Variants in DTNBP1 observed in about 807,000 individuals in gnomAD.
DTNBP1 encodes the protein dysbindin.
Under a neutral mutation model 42.8 loss-of-function variants are expected in DTNBP1, and 35 were observed. The ratio of observed to expected loss-of-function variants is 0.82; its 90% CI spans 0.63 to 1.09. The LOEUF (loss-of-function observed/expected upper bound fraction) is 1.09. DTNBP1 is among the 50% of genes least tolerant of loss of function. The pLI is 0.00. For missense variants in DTNBP1, 457 were observed against 424.2 expected, an observed-to-expected ratio of 1.08 and a Z score of -0.68; for synonymous variants, 171 against 162.2, an observed-to-expected ratio of 1.05 and a Z score of -0.41.
At chr6:15,627,066 C>T (rs1759387535) in intron 5 of DTNBP1, among the ~76,000 whole-genome samples, 1 of 152,130 alleles carries the variant, frequency 6.6e-6, no homozygotes, top group Non-Finnish European at 1.5e-5. Context: ...TAAACAGAGA[C>T]CAAATGTCAA....
rs1164636890 is a variant in DTNBP1 at position 15,659,551 on chromosome 6, C to CTTT, written c.56+3260_56+3262dup. Among the ~76,000 whole-genome samples the CTTT allele has an allele frequency of 4.8e-5, 5 of 104,682 alleles. 1 individual carries two copies. Among genetic ancestry groups the CTTT allele is most frequent in the African/African-American group, 7.9e-5 (2 of 25,382 alleles). The allele number at this position is 104,682 out of a possible 152,430, so 68.7% of individuals were successfully genotyped here. On this transcript the variant is annotated intron_variant, in intron 1 of 9. Coordinates refer to ENST00000344537, the MANE Select transcript of DTNBP1 (RefSeq NM_032122.5). ...CTTTCTTTTTTAAGAGATGGGGTTT[C>CTTT]TTTCTTTTTTTTTTTTTTTGAGACG...
chr6:15,575,526 G>C (rs1362290848), intron 7 of DTNBP1, among the ~76,000 whole-genome samples: 1 of 152,208 alleles, frequency 6.6e-6, no homozygotes, highest in Non-Finnish European at 1.5e-5. Context: ...ATCAGCAAAA[G>C]TTGCAGGGAA....
chr6:15,524,396 A>G lies in DTNBP1; in HGVS notation c.811+130T>C, dbSNP rs1339900225. ...GCCGTGTGGAACCGTGGGGTTAGGGAGCCAGGAGCTGGCTGTGAGCTTGGG... is the reference window on the plus strand; with the variant it reads ...GCCGTGTGGAACCGTGGGGTTAGGGGGCCAGGAGCTGGCTGTGAGCTTGGG... On this transcript the variant is annotated intron_variant, in intron 9 of 9. Transcript: ENST00000344537. 3.7e-6 allele frequency: 6 copies of G among 1,614,082 alleles called. No individual in the cohort carries two copies. In the South Asian group the frequency reaches 5.5e-5, roughly 15 times the overall value.
intron 6 of DTNBP1, among the ~76,000 whole-genome samples, chr6:15,609,598 C>T (rs1459230804): frequency 1.2e-4 from 19 of 152,204 alleles, no homozygotes; most frequent in African/African-American, 4.1e-4. Context: ...GGAGTACAGG[C>T]GTGAGCCACC....
At chr6:15,656,204 A>G (rs1247916826) in intron 1 of DTNBP1, among the ~76,000 whole-genome samples, 1 of 152,192 alleles carries the variant, frequency 6.6e-6, no homozygotes, top group Non-Finnish European at 1.5e-5. Context: ...AGAGGTTCCC[A>G]ATGTGCCTAC....
At chr6:15,559,181 G>A (rs181371636) in intron 7 of DTNBP1, among the ~76,000 whole-genome samples, 17 of 152,306 alleles carry the variant, frequency 1.1e-4, no homozygotes, top group South Asian at 4.1e-4. Context: ...TGAGGAGCAC[G>A]GTGGCCAGCC....
At chr6:15,533,701 C>T in intron 7 of DTNBP1, 1 of 531,752 alleles carries the variant, frequency 1.9e-6, no homozygotes, top group African/African-American at 1.9e-5. Flanking sequence ...GTTCACCTTC[C>T]AAGACCAGCT....
intron 1 of DTNBP1, chr6:15,660,599 G>A (rs758053364): frequency 3.8e-5 from 48 of 1,257,894 alleles, no homozygotes; most frequent in Admixed American, 3.5e-4. Context: ...CCAGACTACG[G>A]CATCTTTAAG....
At chr6:15,621,045 A>G (rs1468644382) in intron 5 of DTNBP1, among the ~76,000 whole-genome samples, 2 of 152,234 alleles carry the variant, frequency 1.3e-5, no homozygotes, top group African/African-American at 4.8e-5. Context: ...ATTGACCAGT[A>G]ATGATCATGA....
At chr6:15,626,745 T>C (rs1000500611) in intron 5 of DTNBP1, among the ~76,000 whole-genome samples, 1 of 152,132 alleles carries the variant, frequency 6.6e-6, no homozygotes, top group African/African-American at 2.4e-5. Flanking sequence ...GGTACCCTAA[T>C]TTACTTTGTT....
rs896454083 is a variant in DTNBP1 at position 15,526,544 on chromosome 6, A to G, written c.668-1875T>C. ...TTTAGATGATCCCATGCTTGGCGGCATCACCCTCGCCAACTGAGCCAGCCT... is the reference window on the plus strand; with the variant it reads ...TTTAGATGATCCCATGCTTGGCGGCGTCACCCTCGCCAACTGAGCCAGCCT... On this transcript the variant is annotated intron_variant, in intron 8 of 9. Transcript: ENST00000344537. Among the ~76,000 whole-genome samples the G allele has an allele frequency of 1.2e-4, 18 of 152,296 alleles. No homozygotes were observed. The East Asian group carries it at 1.3e-3, about 11-fold the overall frequency.
At chr6:15,529,022 C>T (rs1350207274) in intron 8 of DTNBP1, among the ~76,000 whole-genome samples, 2 of 152,212 alleles carry the variant, frequency 1.3e-5, no homozygotes, top group Admixed American at 6.5e-5. Context: ...TGGTGGCTCA[C>T]GCCTGTAATC....
intron 6 of DTNBP1, among the ~76,000 whole-genome samples, chr6:15,614,243 G>T (rs937251963): frequency 1.9e-4 from 29 of 151,818 alleles, no homozygotes; most frequent in Non-Finnish European, 4.4e-5. Context: ...TTGGGGGTAG[G>T]GGGGTGGTGG....
chr6:15,558,441 A>AT (rs1774650038), intron 7 of DTNBP1, among the ~76,000 whole-genome samples: 1 of 151,880 alleles, frequency 6.6e-6, no homozygotes, highest in African/African-American at 2.4e-5. Flanking sequence ...TAATTTTTGT[A>AT]TTTTTAGTAG....
chr6:15,644,100 T>C (rs1760532272), intron 3 of DTNBP1, among the ~76,000 whole-genome samples: 1 of 150,000 alleles, frequency 6.7e-6, no homozygotes. Flanking sequence ...AGATCTTTCA[T>C]GCAAATGGAA....
chr6:15,661,480 A>G (rs934382213), intron 1 of DTNBP1, among the ~76,000 whole-genome samples: 2 of 152,194 alleles, frequency 1.3e-5, no homozygotes, highest in African/African-American at 4.8e-5. Flanking sequence ...CAATATGGTG[A>G]AACCCGTCTC....
At chr6:15,531,178 A>C (rs1260227124) in intron 8 of DTNBP1, among the ~76,000 whole-genome samples, 1 of 152,206 alleles carries the variant, frequency 6.6e-6, no homozygotes, top group Non-Finnish European at 1.5e-5. Context: ...CTTGGATCTG[A>C]GGCCTCCAGA....
At chr6:15,600,151 C>A (rs1776673446) in intron 6 of DTNBP1, among the ~76,000 whole-genome samples, 1 of 152,150 alleles carries the variant, frequency 6.6e-6, no homozygotes. Context: ...CCACAGCAGT[C>A]CATACACGCA....
intron 5 of DTNBP1, among the ~76,000 whole-genome samples, chr6:15,621,416 C>G (rs1486357712): frequency 6.6e-6 from 1 of 152,188 alleles, no homozygotes; most frequent in Admixed American, 6.5e-5. Flanking sequence ...GACAGAAATT[C>G]TGTTCTAGGT....
Sources: allele counts gnomAD v4.1 joint callset (sites outside exome capture counted in the v4.1 genomes callset), GRCh38; gene constraint gnomAD v4.1.1; transcripts MANE v1.5; gene names NCBI Gene and HGNC (gene_info 2026-07-23, HGNC 2026-07-21).